Variants in VWC2L observed in about 807,000 individuals in gnomAD.
VWC2L encodes von Willebrand factor C domain containing 2 like.
VWC2L carries 10 observed loss-of-function variants against 21.6 expected under a neutral mutation model. That is an observed-to-expected ratio of 0.46 (90% CI 0.29 to 0.78). VWC2L has a LOEUF of 0.78. VWC2L is among the 30% of genes least tolerant of loss of function. VWC2L has a pLI of 0.10. For missense variants in VWC2L, 209 were observed against 277.1 expected, an observed-to-expected ratio of 0.75 and a Z score of 1.74; for synonymous variants, 96 against 94.3, an observed-to-expected ratio of 1.02 and a Z score of -0.10.
chr2:214,565,072 C>T (rs1245194498), intron 3 of VWC2L, among the ~76,000 whole-genome samples: 3 of 152,192 alleles, frequency 2.0e-5, no homozygotes, highest in Non-Finnish European at 4.4e-5. Flanking sequence ...TCAACAATAA[C>T]TCATGGAAAT....
chr2:214,522,374 C>CAAAAA (rs5838440), intron 3 of VWC2L, among the ~76,000 whole-genome samples: 37 of 102,936 alleles, frequency 3.6e-4, no homozygotes, highest in African/African-American at 1.4e-3. Flanking sequence ...GACCCCGTCT[C>CAAAAA]AAAAAAAAAA....
intron 3 of VWC2L, chr2:214,525,474 A>G (rs892149628): frequency 3.3e-5 from 5 of 152,210 alleles, no homozygotes; most frequent in African/African-American, 9.7e-5. Context: ...GCTGGATTTG[A>G]AAGTGATTTT....
At chr2:214,447,672 G>A (rs1702859341) in intron 3 of VWC2L, among the ~76,000 whole-genome samples, 2 of 152,044 alleles carry the variant, frequency 1.3e-5, no homozygotes, top group African/African-American at 4.8e-5. Flanking sequence ...AAGAGTTCAG[G>A]CAAGATGAGC....
At chr2:214,461,046 T>C (rs1201626380) in intron 3 of VWC2L, among the ~76,000 whole-genome samples, 3 of 152,242 alleles carry the variant, frequency 2.0e-5, no homozygotes, top group African/African-American at 7.2e-5. Flanking sequence ...GTATGTATAA[T>C]TTCCTCAGTG....
chr2:214,539,848 C>T (rs1689600178), intron 3 of VWC2L, among the ~76,000 whole-genome samples: 1 of 151,968 alleles, frequency 6.6e-6, no homozygotes, highest in Admixed American at 6.6e-5. Context: ...TAAATTTTAC[C>T]ACTAAAATAA....
chr2:214,523,970 A>C (rs1689286013), intron 3 of VWC2L, among the ~76,000 whole-genome samples: 1 of 152,188 alleles, frequency 6.6e-6, no homozygotes. Context: ...ATGACGTGTA[A>C]TGTGATTGAT....
At chr2:214,517,708 TAAG>T (rs1340786426) in intron 3 of VWC2L, among the ~76,000 whole-genome samples, 3 of 151,678 alleles carry the variant, frequency 2.0e-5, no homozygotes, top group African/African-American at 7.3e-5. Flanking sequence ...GCAAAGAAAA[TAAG>T]AAATATAGAA....
chr2:214,546,433 G>A (rs1016628194), intron 3 of VWC2L, among the ~76,000 whole-genome samples: 1 of 152,048 alleles, frequency 6.6e-6, no homozygotes, highest in Non-Finnish European at 1.5e-5. Context: ...ATGTTCTAGT[G>A]GGGGCATGCA....
At chr2:214,557,045 G>C (rs1485886849) in intron 3 of VWC2L, among the ~76,000 whole-genome samples, 1 of 152,192 alleles carries the variant, frequency 6.6e-6, no homozygotes, top group Non-Finnish European at 1.5e-5. Flanking sequence ...GGGTTGGGGA[G>C]AGAGTGGGAG....
chr2:214,482,758 A>AT (rs1238403150), intron 3 of VWC2L, among the ~76,000 whole-genome samples: 2 of 151,780 alleles, frequency 1.3e-5, no homozygotes, highest in African/African-American at 2.4e-5. Flanking sequence ...GTGAAACTGC[A>AT]TCTCAAAAAA....
intron 3 of VWC2L, among the ~76,000 whole-genome samples, chr2:214,498,567 TATATAAA>T (rs1688843207): frequency 6.6e-6 from 1 of 151,754 alleles, no homozygotes; most frequent in African/African-American, 2.4e-5. Context: ...AATACTATAA[TATATAAA>T]AAAGTGGGTG....
chr2:214,462,442 T>C (rs1238591379), intron 3 of VWC2L, among the ~76,000 whole-genome samples: 1 of 152,248 alleles, frequency 6.6e-6, no homozygotes, highest in African/African-American at 2.4e-5. Flanking sequence ...AATTACGGTG[T>C]GCTCTCTTAG....
chr2:214,414,912 A>G, intron 2 of VWC2L: 1 of 275,964 alleles, frequency 3.6e-6, no homozygotes, highest in South Asian at 4.5e-5. Context: ...TGTATAGTGT[A>G]TGTGTCTCCT....
intron 3 of VWC2L, among the ~76,000 whole-genome samples, chr2:214,512,991 T>G (rs1274453214): frequency 6.6e-6 from 1 of 152,100 alleles, no homozygotes; most frequent in African/African-American, 2.4e-5. Context: ...GTTTATAGCA[T>G]CTACTAGAGT....
At chr2:214,541,721 A>C (rs992882716) in intron 3 of VWC2L, among the ~76,000 whole-genome samples, 2 of 152,178 alleles carry the variant, frequency 1.3e-5, no homozygotes, top group South Asian at 4.1e-4. Context: ...GACAATTAGC[A>C]TGTACGAGAC....
intron 3 of VWC2L, among the ~76,000 whole-genome samples, chr2:214,458,633 T>C (rs570669529): frequency 6.6e-6 from 1 of 152,266 alleles, no homozygotes; most frequent in East Asian, 1.9e-4. Flanking sequence ...TGTTGTGTTT[T>C]CATTCCATTT....
At chr2:214,526,639 G>A (rs555764465) in intron 3 of VWC2L, among the ~76,000 whole-genome samples, 1 of 152,232 alleles carries the variant, frequency 6.6e-6, no homozygotes, top group Admixed American at 6.5e-5. Flanking sequence ...TCTTCCTATT[G>A]GTTTCTCTTC....
rs1033382235 is a variant in VWC2L at position 214,436,703 on chromosome 2, T to C, written c.465T>C (p.Pro155=). Residue 155 remains proline (P), a synonymous_variant, in exon 3 of 4, where the codon CCT becomes CCC. Coordinates refer to ENST00000312504, the MANE Select transcript of VWC2L (RefSeq NM_001080500.4). ...GTGTTGTAGCAGACTGCGCAGTTCC[T>C]GAGTGTGTCAACCCAGTCTATGAAC... ...VHCVVADCAV[P]ECVNPVYEPE... 3.7e-6 allele frequency: 6 copies of C among 1,613,310 alleles called. No homozygotes were observed. The highest frequency in any genetic ancestry group is 5.1e-6 in the Non-Finnish European group (6 of 1,179,484).
At chr2:214,442,855 C>CCATTA (rs1305147986) in intron 3 of VWC2L, among the ~76,000 whole-genome samples, 6 of 151,934 alleles carry the variant, frequency 3.9e-5, no homozygotes, top group African/African-American at 9.7e-5. Context: ...AAATAAAATA[C>CCATTA]CATTACAAAA....
Sources: allele counts gnomAD v4.1 joint callset (sites outside exome capture counted in the v4.1 genomes callset), GRCh38; gene constraint gnomAD v4.1.1; transcripts MANE v1.5; gene names NCBI Gene and HGNC (gene_info 2026-07-23, HGNC 2026-07-21).